PDE10A: variants seen among roughly 807,000 people sequenced by gnomAD.
The protein encoded by PDE10A is cAMP and cAMP-inhibited cGMP 3',5'-cyclic phosphodiesterase 10A.
PDE10A carries 39 observed loss-of-function variants against 97.7 expected under a neutral mutation model. That is an observed-to-expected ratio of 0.40 (90% confidence interval 0.31 to 0.52). The LOEUF (loss-of-function observed/expected upper bound fraction) is 0.52, where lower values mean the gene tolerates loss of function less well. Among genes scored for constraint, PDE10A ranks in the 20% least tolerant of loss-of-function variants. PDE10A has a pLI of 0.56. For missense variants in PDE10A, 731 were observed against 1,047.8 expected (o/e 0.70, Z 4.17); for synonymous variants, 371 against 376.8 (o/e 0.98, Z 0.18).
chr6:165,830,096 T>C (rs758207977), intron 1 of PDE10A, among the ~76,000 whole-genome samples: 1 of 152,232 alleles, frequency 6.6e-6, no homozygotes, highest in Non-Finnish European at 1.5e-5. Context: ...GAAGATTCAG[T>C]ATCTTGCAAG....
chr6:165,826,484 C>CCCTCTGTCCGT (rs1554328571), intron 1 of PDE10A, among the ~76,000 whole-genome samples: 1 of 150,252 alleles, frequency 6.7e-6, no homozygotes, highest in Admixed American at 6.6e-5. Flanking sequence ...CCTGTCCCCA[C>CCCTCTGTCCGT]GTCCCTCTGT....
intron 1 of PDE10A, among the ~76,000 whole-genome samples, chr6:165,708,596 G>A (rs1791782721): frequency 1.3e-5 from 2 of 151,474 alleles, no homozygotes; most frequent in South Asian, 4.2e-4. Flanking sequence ...GAACAAATAG[G>A]CCCAGGGCAA....
At chr6:165,858,972 C>T (rs193119774) in intron 1 of PDE10A, among the ~76,000 whole-genome samples, 1 of 152,316 alleles carries the variant, frequency 6.6e-6, no homozygotes, top group African/African-American at 2.4e-5. Flanking sequence ...AAGCAAACTA[C>T]AGCTGATGTT....
chr6:165,881,645 C>T (rs950487404), intron 1 of PDE10A, among the ~76,000 whole-genome samples: 3 of 150,888 alleles, frequency 2.0e-5, no homozygotes, highest in Non-Finnish European at 4.4e-5. Flanking sequence ...CCTCGTGATC[C>T]GCCTGCCCGC....
chr6:165,590,314 G>C (rs1786174620), intron 1 of PDE10A, among the ~76,000 whole-genome samples: 1 of 152,202 alleles, frequency 6.6e-6, no homozygotes, highest in Non-Finnish European at 1.5e-5. Context: ...AACTGACGCA[G>C]AGGGAGGTTA....
At chr6:165,616,311 C>T (rs1787724603) in intron 1 of PDE10A, among the ~76,000 whole-genome samples, 1 of 152,080 alleles carries the variant, frequency 6.6e-6, no homozygotes, top group African/African-American at 2.4e-5. Context: ...CTTCCCTAAC[C>T]ATATTTAGCC....
At chr6:165,451,669 A>C (rs1353246612) in intron 3 of PDE10A, among the ~76,000 whole-genome samples, 2 of 152,198 alleles carry the variant, frequency 1.3e-5, no homozygotes, top group Non-Finnish European at 2.9e-5. Flanking sequence ...CACTATACTC[A>C]ATAAATATCT....
At chr6:165,886,954 A>G (rs1387636615) in intron 1 of PDE10A, among the ~76,000 whole-genome samples, 2 of 152,254 alleles carry the variant, frequency 1.3e-5, no homozygotes, top group Non-Finnish European at 2.9e-5. Context: ...GAAATACCAG[A>G]TATAGAATAC....
chr6:165,704,557 G>A (rs191155136), intron 1 of PDE10A, among the ~76,000 whole-genome samples: 2 of 152,246 alleles, frequency 1.3e-5, no homozygotes, highest in Admixed American at 1.3e-4. Flanking sequence ...CTGTAGAGAG[G>A]TTTCAGTTCT....
At chr6:165,663,298 A>G (rs1006616936), upstream of PDE10A, among the ~76,000 whole-genome samples, 1 of 151,842 alleles carries the variant, frequency 6.6e-6, no homozygotes, top group Non-Finnish European at 1.5e-5. Flanking sequence ...GCGCCCACGT[A>G]GCGCGCCCCG....
At chr6:165,707,740 T>C (rs1791753934) in intron 1 of PDE10A, among the ~76,000 whole-genome samples, 1 of 152,060 alleles carries the variant, frequency 6.6e-6, no homozygotes, top group African/African-American at 2.4e-5. Flanking sequence ...TGTGTGAGTG[T>C]GTGTGGGAGA....
intron 1 of PDE10A, among the ~76,000 whole-genome samples, chr6:165,608,672 C>T (rs1374366740): frequency 6.6e-6 from 1 of 152,120 alleles, no homozygotes; most frequent in African/African-American, 2.4e-5. Context: ...TTCTAGATCC[C>T]TGAGGAATCG....
At chr6:165,581,230 T>G (rs140002210) in intron 1 of PDE10A, among the ~76,000 whole-genome samples, 3 of 152,182 alleles carry the variant, frequency 2.0e-5, no homozygotes, top group African/African-American at 7.2e-5. Flanking sequence ...AACCTCACCA[T>G]GCTTTGACAG....
chr6:165,715,953 G>C (rs953223530), intron 1 of PDE10A, among the ~76,000 whole-genome samples: 2 of 152,204 alleles, frequency 1.3e-5, no homozygotes, highest in Admixed American at 1.3e-4. Flanking sequence ...GGAGCTTTCT[G>C]TAATAGTGAA....
chr6:165,776,672 C>A (rs901893881), intron 1 of PDE10A, among the ~76,000 whole-genome samples: 2 of 152,240 alleles, frequency 1.3e-5, no homozygotes, highest in African/African-American at 4.8e-5. Context: ...CTCTCTCCTT[C>A]TCTTCGTTCC....
intron 1 of PDE10A, among the ~76,000 whole-genome samples, chr6:165,590,630 G>T (rs1469525503): frequency 2.0e-5 from 3 of 152,148 alleles, no homozygotes; most frequent in Non-Finnish European, 4.4e-5. Flanking sequence ...AGTGGCTCAC[G>T]CCTGTAATCT....
chr6:165,944,996 G>T (rs1189180694), intron 1 of PDE10A, among the ~76,000 whole-genome samples: 1 of 152,196 alleles, frequency 6.6e-6, no homozygotes, highest in Non-Finnish European at 1.5e-5. Context: ...GCCAACTCAT[G>T]GTGGCCCCTG....
chr6:165,368,109 C>T (rs1033334515), intron 18 of PDE10A, among the ~76,000 whole-genome samples: 2 of 152,174 alleles, frequency 1.3e-5, no homozygotes, highest in Non-Finnish European at 2.9e-5. Flanking sequence ...GATTTTCCTG[C>T]CTCAGCCTCC....
intron 1 of PDE10A, among the ~76,000 whole-genome samples, chr6:165,837,730 G>A (rs1432162637): frequency 6.9e-6 from 1 of 145,100 alleles, no homozygotes; most frequent in Non-Finnish European, 1.5e-5. Flanking sequence ...CCGTCGCCCA[G>A]GCTGGAGTGC....
Sources: allele counts gnomAD v4.1 joint callset (sites outside exome capture counted in the v4.1 genomes callset), GRCh38; gene constraint gnomAD v4.1.1; transcripts MANE v1.5; gene names NCBI Gene and HGNC (gene_info 2026-07-23, HGNC 2026-07-21).